Variants in HMCN1 observed in about 807,000 individuals in gnomAD.
HMCN1 encodes the protein hemicentin-1.
HMCN1 carries 321 observed loss-of-function variants against 625.9 expected under a neutral mutation model. The ratio of observed to expected loss-of-function variants is 0.51; its 90% CI spans 0.47 to 0.56. The LOEUF (loss-of-function observed/expected upper bound fraction) is 0.56. Ranked by LOEUF, HMCN1 falls within the 20% of genes least tolerant of loss-of-function variation. HMCN1 has a pLI of 0.00. For missense variants in HMCN1, 6,588 were observed against 6,887.3 expected, an observed-to-expected ratio of 0.96 and a Z score of 1.54; for synonymous variants, 2,425 against 2,417.6, an observed-to-expected ratio of 1.00 and a Z score of -0.09.
chr1:186,014,129 A>T (rs549685384), intron 30 of HMCN1, among the ~76,000 whole-genome samples: 1 of 152,236 alleles, frequency 6.6e-6, no homozygotes, highest in East Asian at 1.9e-4. Context: ...AGTCATGTTG[A>T]TAGCATGTAC....
At chr1:185,989,030 T>C (rs1228143395) in intron 20 of HMCN1, among the ~76,000 whole-genome samples, 16 of 136,132 alleles carry the variant, frequency 1.2e-4, no homozygotes, top group South Asian at 9.2e-4. Context: ...TTTTTTGAGA[T>C]GGAGTCTCGC....
chr1:185,841,154 A>G lies in HMCN1; in HGVS notation c.269-4872A>G, dbSNP rs373505724. The stretch of plus-strand genomic sequence containing the variant: ...GAGAACAATGGTTGAGATGCTGGAA[A>G]TAAATCCAACCCATCTGATAAATCA... On this transcript the variant is annotated intron_variant, in intron 1 of 106. Transcript: ENST00000271588. Among the ~76,000 whole-genome samples the G allele has an allele frequency of 3.3e-5, 5 of 152,224 alleles. No individual in the cohort carries two copies. In the East Asian group the frequency reaches 9.6e-4, roughly 29 times the overall value.
intron 25 of HMCN1, among the ~76,000 whole-genome samples, chr1:185,998,499 T>C (rs763740174): frequency 2.5e-4 from 38 of 152,040 alleles, no homozygotes; most frequent in Admixed American, 4.6e-4. Flanking sequence ...ATTAGGGAGG[T>C]GAAGCCTGGA....
chr1:185,874,005 G>A (rs751159913), intron 4 of HMCN1, among the ~76,000 whole-genome samples: 3 of 151,820 alleles, frequency 2.0e-5, no homozygotes, highest in African/African-American at 7.2e-5. Context: ...AAGTAGAAAA[G>A]CCTTGGCTAT....
rs111659395 is a variant in HMCN1 at position 186,107,151 on chromosome 1, T to G, written c.10852+186T>G. On this transcript the variant is annotated intron_variant, in intron 70 of 106. Coordinates refer to ENST00000271588, the MANE Select transcript of HMCN1 (RefSeq NM_031935.3). ...CCCAGGCTGGAGTGCAGTGGCACTA[T>G]CTCGGCTCACTGCAAGCTCCGCCTC... is the stretch of plus-strand genomic sequence containing the variant. Among the ~76,000 whole-genome samples the G allele has an allele frequency of 4.3e-3, 653 of 152,282 alleles. 14 individuals are homozygous for G. Among genetic ancestry groups the G allele is most frequent in the South Asian group, 0.042 (201 of 4,828 alleles).
chr1:185,757,098 C>T (rs1360238593), intron 1 of HMCN1, among the ~76,000 whole-genome samples: 2 of 152,174 alleles, frequency 1.3e-5, no homozygotes, highest in Non-Finnish European at 2.9e-5. Flanking sequence ...CCTCAGCCTC[C>T]CAAGTAGCTG....
At chr1:186,125,935 C>T (rs1661620506) in intron 82 of HMCN1, 141 bp downstream of exon 82, 1 of 647,384 alleles carries the variant, frequency 1.5e-6, no homozygotes, top group Admixed American at 2.8e-5. Context: ...ATTAATTTTA[C>T]ACGTATTTCA....
intron 38 of HMCN1, 84 bp downstream of exon 38, chr1:186,039,089 T>A: frequency 2.1e-6 from 2 of 930,676 alleles, no homozygotes; most frequent in Non-Finnish European, 3.6e-6. Flanking sequence ...CTTGTGTAAG[T>A]ATTTAACAGA....
intron 9 of HMCN1, among the ~76,000 whole-genome samples, chr1:185,928,160 A>G (rs1178500791): frequency 6.6e-6 from 1 of 152,144 alleles, no homozygotes; most frequent in Non-Finnish European, 1.5e-5. Flanking sequence ...AAATTTGTAT[A>G]TTGCCTAATT....
At chr1:186,110,978 T>TTTTTTTTTTTTTTTTTTG (rs1660851993) in intron 71 of HMCN1, among the ~76,000 whole-genome samples, 1 of 66,036 alleles carries the variant, frequency 1.5e-5, no homozygotes, top group African/African-American at 1.0e-4. Context: ...GAGAAAATTC[T>TTTTTTTTTTTTTTTTTTG]TTTTTTTTTT....
At chr1:185,923,315 C>G in intron 7 of HMCN1, 75 bp from the exon 8 acceptor site, 5 of 1,129,462 alleles carry the variant, frequency 4.4e-6, no homozygotes, top group Non-Finnish European at 5.3e-6. Context: ...ATATTATTAT[C>G]ATGCAAATAC....
intron 103 of HMCN1, among the ~76,000 whole-genome samples, chr1:186,175,828 A>G (rs1652530446): frequency 6.9e-6 from 1 of 145,352 alleles, no homozygotes; most frequent in South Asian, 2.2e-4. Context: ...GTGAGCCGAG[A>G]TTGCATCACT....
Position 185,734,653 on chromosome 1 carries a change from T to A in HMCN1, c.-127T>A. 1.1e-6 allele frequency: 1 copy of A among 929,676 alleles called. No individual in the cohort carries two copies. The highest frequency in any genetic ancestry group is 1.7e-6 in the Non-Finnish European group (1 of 581,998). 57.6% of individuals were successfully genotyped at this position (929,676 alleles called of 1,614,324 possible). On this transcript the variant is annotated 5_prime_UTR_variant, in exon 1 of 107. Transcript: ENST00000271588. ...CCGTCTGATTCTCAGCGCCAAACTT[T>A]TTGCTAGTTCAGAGATTCCAAGAGT...
intron 93 of HMCN1, among the ~76,000 whole-genome samples, chr1:186,150,353 C>G (rs1328963017): frequency 6.6e-6 from 1 of 152,150 alleles, no homozygotes; most frequent in Admixed American, 6.5e-5. Context: ...CATTAACCAC[C>G]TATTCTGTGC....
At chr1:185,735,556 A>G (rs1372296447) in intron 1 of HMCN1, among the ~76,000 whole-genome samples, 1 of 152,160 alleles carries the variant, frequency 6.6e-6, no homozygotes, top group Non-Finnish European at 1.5e-5. Flanking sequence ...CATGAAAAGA[A>G]AAGAGAGAAA....
chr1:185,966,626 T>C (rs1482133622), intron 14 of HMCN1, among the ~76,000 whole-genome samples: 1 of 152,174 alleles, frequency 6.6e-6, no homozygotes. Flanking sequence ...AAAAAAATCC[T>C]GCAAACACCC....
chr1:185,986,482 T>A (rs1260793907), intron 19 of HMCN1, among the ~76,000 whole-genome samples: 1 of 152,200 alleles, frequency 6.6e-6, no homozygotes, highest in East Asian at 1.9e-4. Context: ...ATATGCAAGC[T>A]TCTTTAATCA....
chr1:185,931,783 G>C (rs1486185387), intron 10 of HMCN1, among the ~76,000 whole-genome samples: 2 of 152,120 alleles, frequency 1.3e-5, no homozygotes, highest in African/African-American at 4.8e-5. Flanking sequence ...GGAAAGGGGG[G>C]TCTAACCTTC....
chr1:185,934,825 C>G (rs1667731008), intron 11 of HMCN1, among the ~76,000 whole-genome samples: 1 of 152,044 alleles, frequency 6.6e-6, no homozygotes, highest in Non-Finnish European at 1.5e-5. Flanking sequence ...CATTCAGTTT[C>G]AAGGCTAAAT....
Sources: gnomAD v4.1 joint callset for allele counts (sites outside exome capture counted in the v4.1 genomes callset) on GRCh38, gnomAD v4.1.1 for gene constraint, MANE v1.5 for transcripts, NCBI Gene and HGNC (gene_info 2026-07-23, HGNC 2026-07-21) for gene names.